The following MB21D2 variants were observed in gnomAD, a reference collection of about 807,000 sequenced individuals.
The protein encoded by MB21D2 is Mab-21 domain containing 2.
In MB21D2, 9 loss-of-function variants were observed where a neutral mutation model predicts 33.3. The ratio of observed to expected loss-of-function variants is 0.27; its 90% CI spans 0.16 to 0.47. The LOEUF is 0.47. Ranked by LOEUF, MB21D2 falls within the 20% of genes least tolerant of loss-of-function variation. The pLI is 0.99. For missense variants in MB21D2, 540 were observed against 624.6 expected (o/e 0.86, Z 1.44); for synonymous variants, 241 against 236.3 (o/e 1.02, Z -0.18).
chr3:192,904,591 T>C (rs1002921976), intron 1 of MB21D2, among the ~76,000 whole-genome samples: 3 of 152,114 alleles, frequency 2.0e-5, no homozygotes, highest in African/African-American at 7.2e-5. Context: ...TCATCAGAAA[T>C]GCAAATTCTC....
At chr3:192,894,748 T>C (rs1713928439) in intron 1 of MB21D2, among the ~76,000 whole-genome samples, 1 of 152,134 alleles carries the variant, frequency 6.6e-6, no homozygotes, top group African/African-American at 2.4e-5. Flanking sequence ...TTTTGCTGCT[T>C]CCCACCCCAT....
chr3:192,842,170 G>A (rs1209512087), intron 1 of MB21D2, among the ~76,000 whole-genome samples: 1 of 152,206 alleles, frequency 6.6e-6, no homozygotes, highest in Non-Finnish European at 1.5e-5. Flanking sequence ...GACCCTGTGG[G>A]GGAAATAAAG....
chr3:192,829,042 C>A (rs1712255928), intron 1 of MB21D2, among the ~76,000 whole-genome samples: 2 of 152,134 alleles, frequency 1.3e-5, no homozygotes, highest in Non-Finnish European at 2.9e-5. Flanking sequence ...ATTTCCATCA[C>A]CCCAAAAAGT....
chr3:192,851,011 CCTT>C (rs1712790936), intron 1 of MB21D2, among the ~76,000 whole-genome samples: 1 of 152,172 alleles, frequency 6.6e-6, no homozygotes, highest in Admixed American at 6.5e-5. Context: ...CCTATCTATG[CCTT>C]CTTCTTTACT....
intron 1 of MB21D2, among the ~76,000 whole-genome samples, chr3:192,830,359 G>T (rs974453422): frequency 6.6e-6 from 1 of 151,924 alleles, no homozygotes; most frequent in Admixed American, 6.6e-5. Context: ...TTCATTTTAA[G>T]CACTGTTTAG....
intron 1 of MB21D2, among the ~76,000 whole-genome samples, chr3:192,861,917 A>C (rs1477419375): frequency 6.6e-6 from 1 of 152,220 alleles, no homozygotes; most frequent in Non-Finnish European, 1.5e-5. Flanking sequence ...ACATTACAAT[A>C]AAAGTGTTTC....
intron 1 of MB21D2, among the ~76,000 whole-genome samples, chr3:192,905,595 A>AC (rs1424913873): frequency 6.7e-6 from 1 of 149,558 alleles, no homozygotes; most frequent in East Asian, 2.0e-4. Flanking sequence ...CGAGATCAAG[A>AC]CATTGCACTC....
At position 192,801,449 on chromosome 3, in the gene MB21D2, T is replaced by C. The variant is rs1326288982; in HGVS notation, c.212-1799A>G. Among the ~76,000 whole-genome samples the C allele has an allele frequency of 8.5e-5, 13 of 152,350 alleles. No individual in the cohort carries two copies. In the South Asian group the frequency reaches 2.5e-3, roughly 29 times the overall value. ...TTTTCTTACTATTATTGTTATACTCTGAACGTTCGTGACTCCCACTCACAT... is the reference window on the plus strand; with the variant it reads ...TTTTCTTACTATTATTGTTATACTCCGAACGTTCGTGACTCCCACTCACAT... On this transcript the variant is annotated intron_variant, in intron 1 of 1. Coordinates refer to ENST00000392452, the MANE Select transcript of MB21D2 (RefSeq NM_178496.4).
intron 1 of MB21D2, among the ~76,000 whole-genome samples, chr3:192,890,510 A>C (rs549250800): frequency 6.6e-6 from 1 of 151,894 alleles, no homozygotes; most frequent in East Asian, 1.9e-4. Flanking sequence ...CAAAAGCGAA[A>C]CCTGAACTTC....
intron 1 of MB21D2, among the ~76,000 whole-genome samples, chr3:192,813,866 T>C (rs531211492): frequency 3.9e-5 from 6 of 152,344 alleles, no homozygotes; most frequent in South Asian, 2.1e-4. Context: ...ATGATGGTTA[T>C]AGCCAGACTG....
intron 1 of MB21D2, among the ~76,000 whole-genome samples, chr3:192,902,514 G>A (rs2108652328): frequency 6.6e-6 from 1 of 152,266 alleles, no homozygotes; most frequent in Middle Eastern, 3.4e-3. Flanking sequence ...ACATCGCCTA[G>A]CCAACAGTGA....
intron 1 of MB21D2, among the ~76,000 whole-genome samples, chr3:192,844,490 C>T (rs1051129190): frequency 3.3e-5 from 5 of 152,190 alleles, no homozygotes; most frequent in Admixed American, 6.5e-5. Flanking sequence ...CCTGTCCCTT[C>T]CTTTCACCAA....
chr3:192,890,797 C>G (rs1560252271), intron 1 of MB21D2, among the ~76,000 whole-genome samples: 1 of 152,028 alleles, frequency 6.6e-6, no homozygotes, highest in South Asian at 2.1e-4. Flanking sequence ...CTCACATCCT[C>G]CATGGCAGGC....
At chr3:192,910,381 G>T (rs1300054992) in intron 1 of MB21D2, among the ~76,000 whole-genome samples, 1 of 152,066 alleles carries the variant, frequency 6.6e-6, no homozygotes, top group African/African-American at 2.4e-5. Context: ...GGGATGCTGA[G>T]GTAGGAGGAT....
At chr3:192,867,408 A>G (rs1286080122) in intron 1 of MB21D2, among the ~76,000 whole-genome samples, 1 of 152,168 alleles carries the variant, frequency 6.6e-6, no homozygotes, top group Non-Finnish European at 1.5e-5. Flanking sequence ...AGAAAAAACA[A>G]TATACCCTGG....
chr3:192,838,732 G>T (rs1712501407), intron 1 of MB21D2, among the ~76,000 whole-genome samples: 1 of 152,054 alleles, frequency 6.6e-6, no homozygotes, highest in South Asian at 2.1e-4. Flanking sequence ...CTGGCCTTGT[G>T]GACATATTTT....
At chr3:192,804,529 A>C (rs1430171638) in intron 1 of MB21D2, among the ~76,000 whole-genome samples, 1 of 152,204 alleles carries the variant, frequency 6.6e-6, no homozygotes, top group Non-Finnish European at 1.5e-5. Context: ...AATTAAAGTT[A>C]CAAAATTAGA....
At chr3:192,805,813 C>A (rs1420915570) in intron 1 of MB21D2, among the ~76,000 whole-genome samples, 1 of 152,198 alleles carries the variant, frequency 6.6e-6, no homozygotes, top group Non-Finnish European at 1.5e-5. Context: ...CTAAGCGCAT[C>A]GTAGATATTT....
chr3:192,801,134 G>C (rs964170055), intron 1 of MB21D2, among the ~76,000 whole-genome samples: 2 of 152,162 alleles, frequency 1.3e-5, no homozygotes, highest in African/African-American at 4.8e-5. Context: ...GGGAAAAAAT[G>C]CATGAAATTA....
Sources: gnomAD v4.1 joint callset for allele counts (sites outside exome capture counted in the v4.1 genomes callset) on GRCh38, gnomAD v4.1.1 for gene constraint, MANE v1.5 for transcripts, NCBI Gene and HGNC (gene_info 2026-07-23, HGNC 2026-07-21) for gene names.